Variants in PDE1A observed in about 807,000 individuals in gnomAD.
The protein encoded by PDE1A is phosphodiesterase 1A.
Under a neutral mutation model 61.7 loss-of-function variants are expected in PDE1A, and 35 were observed. The ratio of observed to expected loss-of-function variants is 0.57; its 90% CI spans 0.43 to 0.75. The LOEUF is 0.75. Among genes scored for constraint, PDE1A ranks in the 30% least tolerant of loss-of-function variants. PDE1A has a pLI of 0.00. For synonymous variants in PDE1A, 232 were observed against 213.2 expected (o/e 1.09, Z -0.77); for missense variants, 597 against 630.6 (o/e 0.95, Z 0.57).
intron 12 of PDE1A, 143 bp from the exon 13 acceptor site, chr2:182,186,222 T>C (rs1689656989): frequency 1.2e-6 from 1 of 842,590 alleles, no homozygotes. Context: ...CAGCTGCTCA[T>C]CTCCTTTCTC....
At chr2:182,708,308 G>C in the PDE1A span, among the ~76,000 whole-genome samples, 1 of 151,954 alleles carries the variant, frequency 6.6e-6, no homozygotes, top group African/African-American at 2.4e-5. Flanking sequence ...GATGAGATTT[G>C]GGTAGGGACA....
chr2:182,356,731 CA>C (rs1335545534), intron 1 of PDE1A, among the ~76,000 whole-genome samples: 1 of 151,498 alleles, frequency 6.6e-6, no homozygotes, highest in African/African-American at 2.4e-5. Flanking sequence ...GAGACTGCCT[CA>C]AAAAAAATTA....
the PDE1A span, among the ~76,000 whole-genome samples, chr2:182,604,639 T>C: frequency 9.9e-5 from 15 of 152,208 alleles, no homozygotes; most frequent in Admixed American, 9.8e-4. Flanking sequence ...ACGTATTTTA[T>C]TATTATCCCT....
chr2:182,326,308 A>G (rs1269521470), intron 1 of PDE1A, among the ~76,000 whole-genome samples: 1 of 152,218 alleles, frequency 6.6e-6, no homozygotes, highest in African/African-American at 2.4e-5. Context: ...AAATGGGGAA[A>G]AAATTCAAAT....
chr2:182,260,875 C>T (rs535070453), intron 2 of PDE1A, among the ~76,000 whole-genome samples: 1 of 151,938 alleles, frequency 6.6e-6, no homozygotes, highest in African/African-American at 2.4e-5. Flanking sequence ...ACTTCATAGC[C>T]CAAGCCCTAG....
intron 1 of PDE1A, among the ~76,000 whole-genome samples, chr2:182,281,520 CA>C (rs1693805662): frequency 6.6e-6 from 1 of 151,840 alleles, no homozygotes; most frequent in African/African-American, 2.4e-5. Context: ...CTCCAATAAT[CA>C]ACTGCTTCGT....
chr2:182,608,126 C>T, the PDE1A span, among the ~76,000 whole-genome samples: 4 of 152,324 alleles, frequency 2.6e-5, no homozygotes, highest in East Asian at 7.7e-4. Context: ...GTTCCATTCT[C>T]CCCTGAGGCT....
At chr2:182,149,400 A>G (rs2368256) in intron 13 of PDE1A, among the ~76,000 whole-genome samples, 103,370 of 152,002 alleles carry the variant, frequency 0.68, 35,604 homozygotes, top group East Asian at 0.9. Context: ...CACATATTAT[A>G]CCCAATAATA....
At chr2:182,644,285 G>GTGTGTGTC in the PDE1A span, among the ~76,000 whole-genome samples, 1 of 150,148 alleles carries the variant, frequency 6.7e-6, no homozygotes. Context: ...GTGTGTGTGT[G>GTGTGTGTC]TGTGTGTGTG....
chr2:182,694,652 C>T, the PDE1A span, among the ~76,000 whole-genome samples: 1 of 152,108 alleles, frequency 6.6e-6, no homozygotes, highest in Non-Finnish European at 1.5e-5. Flanking sequence ...GAAAAAGGCA[C>T]ATATCCTTGA....
upstream of PDE1A, among the ~76,000 whole-genome samples, chr2:182,523,662 G>A (rs1574855497): frequency 6.6e-6 from 1 of 152,114 alleles, no homozygotes; most frequent in East Asian, 1.9e-4. Flanking sequence ...GAATATTTCT[G>A]ATGTTTCAGA....
chr2:182,268,896 A>G (rs1033346555), intron 1 of PDE1A, among the ~76,000 whole-genome samples: 1 of 152,092 alleles, frequency 6.6e-6, no homozygotes, highest in African/African-American at 2.4e-5. Flanking sequence ...TATAATTTCA[A>G]CTTTTTGATA....
At chr2:182,426,490 T>A in intron 1 of PDE1A, 88 bp downstream of exon 1, 1 of 932,676 alleles carries the variant, frequency 1.1e-6, no homozygotes. Flanking sequence ...CTGCTGTAGC[T>A]TAGTGGCAGA....
intron 2 of PDE1A, among the ~76,000 whole-genome samples, chr2:182,520,028 T>C (rs529930887): frequency 6.6e-6 from 1 of 151,984 alleles, no homozygotes; most frequent in African/African-American, 2.4e-5. Context: ...GTTTAATGAG[T>C]AGCATGATTT....
chr2:182,249,768 T>G (rs1187264380), intron 2 of PDE1A, among the ~76,000 whole-genome samples: 2 of 138,808 alleles, frequency 1.4e-5, no homozygotes, highest in Non-Finnish European at 3.1e-5. Flanking sequence ...AAACCAAAAC[T>G]CTAAAGGTAA....
intron 10 of PDE1A, among the ~76,000 whole-genome samples, chr2:182,196,066 A>G (rs907743558): frequency 5.9e-5 from 9 of 152,050 alleles, no homozygotes; most frequent in African/African-American, 2.2e-4. Flanking sequence ...AAAACATTTT[A>G]CCTGTTGGAA....
At chr2:182,633,259 A>G in the PDE1A span, among the ~76,000 whole-genome samples, 390 of 152,338 alleles carry the variant, frequency 2.6e-3, 4 homozygotes, top group Non-Finnish European at 3.2e-3. Flanking sequence ...TCTGAAAATC[A>G]AAAACAACTT....
At chr2:182,635,945 GTAT>G in the PDE1A span, among the ~76,000 whole-genome samples, 1 of 109,334 alleles carries the variant, frequency 9.1e-6, no homozygotes, top group Non-Finnish European at 1.8e-5. Context: ...GATCTCACCG[GTAT>G]TTTTTTTTTT....
At chr2:182,375,844 C>T (rs1700372173) in intron 1 of PDE1A, among the ~76,000 whole-genome samples, 1 of 152,204 alleles carries the variant, frequency 6.6e-6, no homozygotes, top group Non-Finnish European at 1.5e-5. Context: ...TCCCAAACCC[C>T]AATTCTTCAC....
Sources: gnomAD v4.1 joint callset for allele counts (sites outside exome capture counted in the v4.1 genomes callset) on GRCh38, gnomAD v4.1.1 for gene constraint, MANE v1.5 for transcripts, NCBI Gene and HGNC (gene_info 2026-07-23, HGNC 2026-07-21) for gene names.